Variants in GRAMD1A observed in about 807,000 individuals in gnomAD.
GRAMD1A encodes the protein GRAM domain containing 1A.
A neutral mutation model predicts 92.0 loss-of-function variants in GRAMD1A; 50 were observed. The observed-to-expected ratio is 0.54, with a 90% confidence interval of 0.43 to 0.69. The LOEUF (loss-of-function observed/expected upper bound fraction) is 0.69, where lower values mean the gene tolerates loss of function less well. GRAMD1A is among the 30% of genes least tolerant of loss of function. GRAMD1A has a pLI of 0.00. For missense variants in GRAMD1A, 819 were observed against 978.9 expected (o/e 0.84, Z 2.18); for synonymous variants, 405 against 403.6 (o/e 1.00, Z -0.04).
In GRAMD1A at chr19:35,026,184, C is replaced by T. The variant is rs1240849194; in HGVS notation, c.*43C>T. The stretch of plus-strand genomic sequence containing the variant: ...CTGTTCCCCCACATGGACAGATGGA[C>T]ACACAGAGCCTCGGCGGCCACTGCT... On this transcript the variant is annotated 3_prime_UTR_variant, in exon 20 of 20. Coordinates refer to ENST00000317991, the MANE Select transcript of GRAMD1A (RefSeq NM_020895.5). 3.0e-6 allele frequency: 3 copies of T among 1,011,762 alleles called. No homozygotes were observed. In the East Asian group the frequency reaches 7.2e-5, roughly 24 times the overall value. 62.7% of individuals were successfully genotyped at this position (1,011,762 alleles called of 1,614,324 possible).
At chr19:35,020,928 G>A (rs1022614065) in intron 13 of GRAMD1A, among the ~76,000 whole-genome samples, 1 of 152,210 alleles carries the variant, frequency 6.6e-6, no homozygotes, top group Non-Finnish European at 1.5e-5. Flanking sequence ...AATGGAGGGG[G>A]AAGAGTTTAG....
At chr19:35,005,092 G>A (rs1245282082) in intron 1 of GRAMD1A, among the ~76,000 whole-genome samples, 1 of 151,020 alleles carries the variant, frequency 6.6e-6, no homozygotes, top group African/African-American at 2.5e-5. Context: ...TATGGGGGGC[G>A]GGGAAGGAGG....
At chr19:34,997,203 C>T (rs964376505), upstream of GRAMD1A, among the ~76,000 whole-genome samples, 3 of 151,928 alleles carry the variant, frequency 2.0e-5, no homozygotes, top group African/African-American at 4.8e-5. Flanking sequence ...ATGAGGCACC[C>T]GGCCGCAATC....
In GRAMD1A at chr19:35,023,292, A is replaced by G; in HGVS notation, c.1910A>G (p.Glu637Gly). The part of the protein sequence containing the change: ...VLLFYRLWSL[E>G]RTAHTFESWH... ...CTCTTCTACCGCCTCTGGTCCCTGG[A>G]AAGGACAGCCCACACCTTTGAGTCC... Residue 637 changes from glutamate to glycine, a missense_variant, in exon 18 of 20, where the codon GAA (glutamate) becomes GGA (glycine). By Grantham distance (98) the Glu-to-Gly change is moderately conservative. Coordinates refer to ENST00000317991, the MANE Select transcript of GRAMD1A (RefSeq NM_020895.5). 1 of 1,614,150 alleles carries G rather than the reference A, an allele frequency of 6.2e-7. No homozygotes were observed. Among genetic ancestry groups the G allele is most frequent in the Non-Finnish European group, 8.5e-7 (1 of 1,179,986 alleles).
intron 17 of GRAMD1A, 52 bp downstream of exon 17, chr19:35,022,963 C>A: frequency 1.5e-6 from 2 of 1,351,184 alleles, no homozygotes; most frequent in Non-Finnish European, 2.1e-6. Flanking sequence ...CCCACCCCTG[C>A]TGCAGCCTCT....
At position 35,021,424 on chromosome 19, in the gene GRAMD1A, A is replaced by G. The variant is rs1388118650; in HGVS notation, c.1476-78A>G. On this transcript the variant is annotated intron_variant, in intron 13 of 19. Transcript: ENST00000317991. This position sits in a 1 kb window ranked among gnomAD's most constrained non-coding sequence, Gnocchi z 5.3. ...GGCCCTCTCTGAATTAGGGGAAGGA[A>G]AAAACTCAGCTTGTGGGACGGGGCA... The G allele has an allele frequency of 4.6e-6, 5 of 1,095,970 alleles. No individual in the cohort carries two copies. The highest frequency in any genetic ancestry group is 1.5e-5 in the African/African-American group (1 of 64,820). 67.9% of individuals were successfully genotyped at this position (1,095,970 alleles called of 1,614,324 possible).
Position 35,014,308 on chromosome 19 carries a change from C to A in GRAMD1A, c.990C>A (p.Thr330=). The A allele has an allele frequency of 1.2e-6, 2 of 1,613,866 alleles. No individual in the cohort carries two copies. Among genetic ancestry groups the A allele is most frequent in the Non-Finnish European group, 1.7e-6 (2 of 1,179,738 alleles). The change falls in exon 10 of 20, where the codon ACC becomes ACA. Residue 330 remains threonine (T), a synonymous_variant. Transcript: ENST00000317991. Reference sequence around the variant, plus strand: ...CCACCCAGCCTGACGGGCCCACCACCCTGGGCCCCTTGGATCTGCTGCCCA... The same window carrying A: ...CCACCCAGCCTGACGGGCCCACCACACTGGGCCCCTTGGATCTGCTGCCCA... ...TEPTQPDGPT[T]LGPLDLLPSE... is the part of the protein sequence containing the mutation.
chr19:35,019,228 C>T lies in GRAMD1A; in HGVS notation c.1251C>T (p.Cys417=). 1.2e-6 allele frequency: 2 copies of T among 1,613,044 alleles called. No individual in the cohort carries two copies. The highest frequency in any genetic ancestry group is 1.7e-6 in the Non-Finnish European group (2 of 1,179,282). ...TLSPWSGDSK[C]HQRRVLTYTI... Reference sequence around the variant, plus strand: ...GCCCCTGGAGTGGGGACAGCAAGTGCCACCAGCGCCGGGTGCTGACGTACA... The same window carrying T: ...GCCCCTGGAGTGGGGACAGCAAGTGTCACCAGCGCCGGGTGCTGACGTACA... Residue 417 remains cysteine (C), a synonymous_variant, in exon 12 of 20, where the codon TGC becomes TGT. Transcript: ENST00000317991.
chr19:35,021,619 G>C lies in GRAMD1A; in HGVS notation c.1579+14G>C, dbSNP rs1176098276. On this transcript the variant is annotated intron_variant, in intron 14 of 19. Coordinates refer to ENST00000317991, the MANE Select transcript of GRAMD1A (RefSeq NM_020895.5). The surrounding 1 kb of genome is among the most constrained non-coding windows in gnomAD (Gnocchi z 5.3). The stretch of plus-strand genomic sequence containing the variant: ...TCCACCATCTGGGTAGGGACAGAAG[G>C]CCGGCTGGGGCGTGGGTTGGGGGAT... The C allele has an allele frequency of 8.7e-6, 14 of 1,613,328 alleles. No homozygotes were observed. Among genetic ancestry groups the C allele is most frequent in the Non-Finnish European group, 1.1e-5 (13 of 1,179,372 alleles).
At chr19:34,995,878 TG>T, upstream of GRAMD1A, 1 of 661,206 alleles carries the variant, frequency 1.5e-6, no homozygotes, top group Non-Finnish European at 2.5e-6. Context: ...CCACTGCGCC[TG>T]GTCCCCAACT....
chr19:35,011,365 C>A (rs1568325151), intron 6 of GRAMD1A, 109 bp from the exon 7 acceptor site: 1 of 830,012 alleles, frequency 1.2e-6, no homozygotes, highest in Non-Finnish European at 2.1e-6. Flanking sequence ...TTAGTGGATT[C>A]ATGGGGCCAA....
At chr19:34,995,596 T>TTTTTTTTTTC (rs1281397886), upstream of GRAMD1A, among the ~76,000 whole-genome samples, 1 of 148,902 alleles carries the variant, frequency 6.7e-6, no homozygotes, top group Non-Finnish European at 1.5e-5. Context: ...TTTTTTTTTT[T>TTTTTTTTTTC]TCTGAGACAG....
Position 35,019,504 on chromosome 19 carries a change from G to A in GRAMD1A, c.1446G>A (p.Leu482=). 1 of 1,614,062 alleles carries A rather than the reference G, an allele frequency of 6.2e-7. No individual in the cohort carries two copies. Among genetic ancestry groups the A allele is most frequent in the African/African-American group, 1.3e-5 (1 of 75,056 alleles). ...YFYTAHRYCI[L]GLARNKARLR... is the part of the protein sequence containing the mutation. ...ACACTGCCCACCGCTACTGCATCCT[G>A]GGTCTGGCCCGGAACAAGGCGCGGC... Residue 482 remains leucine (L), a synonymous_variant, in exon 13 of 20, where the codon CTG becomes CTA. Transcript: ENST00000317991.
rs755141577 is a variant in GRAMD1A, at chr19:35,026,160, T to C, written c.*19T>C. 3 of 1,293,378 alleles carry C rather than the reference T, an allele frequency of 2.3e-6. No homozygotes were observed. The highest frequency in any genetic ancestry group is 1.4e-5 in the African/African-American group (1 of 68,980). 80.1% of individuals were successfully genotyped at this position (1,293,378 alleles called of 1,614,324 possible). ...TTCCTGAGGACCCCGGCCACGCAGC[T>C]GTTCCCCCACATGGACAGATGGACA... On this transcript the variant is annotated 3_prime_UTR_variant, in exon 20 of 20. Coordinates refer to ENST00000317991, the MANE Select transcript of GRAMD1A (RefSeq NM_020895.5).
At chr19:35,010,233 C>T (rs558806956) in intron 5 of GRAMD1A, 38 bp downstream of exon 5, 10 of 1,588,682 alleles carry the variant, frequency 6.3e-6, no homozygotes, top group African/African-American at 4.0e-5. Flanking sequence ...GGGCGGGGGC[C>T]CCCATGGCCA....
At chr19:35,014,999 C>A (rs1241188684) in intron 10 of GRAMD1A, 1 of 155,138 alleles carries the variant, frequency 6.4e-6, no homozygotes, top group African/African-American at 2.4e-5. Context: ...AGACCCCTGT[C>A]TTTACAAAAA....
chr19:35,020,374 C>G (rs2015961458), intron 13 of GRAMD1A, among the ~76,000 whole-genome samples: 1 of 152,008 alleles, frequency 6.6e-6, no homozygotes, highest in African/African-American at 2.4e-5. Flanking sequence ...CCCATCTCTA[C>G]TAAAAATACA....
In GRAMD1A at chr19:35,021,839, T is replaced by G. The variant is rs761060434; in HGVS notation, c.1728T>G (p.Cys576Trp). ...DGPQHPDPDPCARAGIHTSGS... is the reference protein window; with the variant it reads ...DGPQHPDPDPWARAGIHTSGS... ...CCCAGCACCCAGATCCTGACCCCTG[T>G]GCCCGGGCCGGCATTCACACCTCGG... Residue 576 changes from cysteine to tryptophan, a missense_variant, in exon 15 of 20, where the codon TGT becomes TGG. By Grantham distance (215) the Cys-to-Trp change is radical. Transcript: ENST00000317991. This position sits in a 1 kb window ranked among gnomAD's most constrained non-coding sequence, Gnocchi z 5.3. 5.6e-6 allele frequency: 9 copies of G among 1,603,994 alleles called. No individual in the cohort carries two copies. In the South Asian group the frequency reaches 1.0e-4, roughly 18 times the overall value.
upstream of GRAMD1A, among the ~76,000 whole-genome samples, chr19:34,997,179 G>T (rs2014069269): frequency 6.6e-6 from 1 of 152,050 alleles, no homozygotes; most frequent in African/African-American, 2.4e-5. Context: ...CTCCCAAAGT[G>T]CTGGGATTGT....
Sources: gnomAD v4.1 joint callset for allele counts (sites outside exome capture counted in the v4.1 genomes callset) on GRCh38, gnomAD v4.1.1 for gene constraint, Gnocchi (gnomAD v3.1) non-coding constraint, MANE v1.5 for transcripts, NCBI Gene and HGNC (gene_info 2026-07-23, HGNC 2026-07-21) for gene names.